ZNF148: variants seen among roughly 807,000 people sequenced by gnomAD.
The protein encoded by ZNF148 is zinc finger protein 148, also known as Beta-Enolase Repressor Factor-1.
ZNF148 carries 7 observed loss-of-function variants against 67.7 expected under a neutral mutation model. The ratio of observed to expected loss-of-function variants is 0.10; its 90% confidence interval spans 0.06 to 0.19. The LOEUF is 0.19. Among genes scored for constraint, ZNF148 ranks in the 10% least tolerant of loss-of-function variants. ZNF148 has a pLI of 1.00. For synonymous variants in ZNF148, 333 were observed against 330.7 expected (o/e 1.01, Z -0.08); for missense variants, 583 against 947.1 (o/e 0.62, Z 5.05).
chr3:125,231,974 GAA>G lies in ZNF148; in HGVS notation c.*365_*366del, dbSNP rs1935871651. 1 of 172,392 alleles carries G rather than the reference GAA, an allele frequency of 5.8e-6. No individual in the cohort carries two copies. 10.7% of individuals were successfully genotyped at this position (172,392 alleles called of 1,614,324 possible). On this transcript the variant is annotated 3_prime_UTR_variant, in exon 9 of 9. Coordinates refer to ENST00000360647, the MANE Select transcript of ZNF148 (RefSeq NM_021964.3). The stretch of plus-strand genomic sequence containing the variant: ...TGCAATGACTATGCTGAAAAACTTA[GAA>G]ACAGTATGAGTAAATTTCACACAAT...
At chr3:125,245,328 T>C (rs1462147642) in intron 7 of ZNF148, among the ~76,000 whole-genome samples, 1 of 152,192 alleles carries the variant, frequency 6.6e-6, no homozygotes, top group Admixed American at 6.5e-5. Flanking sequence ...GAGATCTGAC[T>C]GCTTTCTAAA....
chr3:125,284,479 A>T (rs1938553320), intron 5 of ZNF148, among the ~76,000 whole-genome samples: 1 of 152,174 alleles, frequency 6.6e-6, no homozygotes, highest in Non-Finnish European at 1.5e-5. Flanking sequence ...GCAGTATAAC[A>T]CTTAAAGTCT....
chr3:125,241,783 T>C (rs142533736), intron 7 of ZNF148, among the ~76,000 whole-genome samples: 63 of 152,356 alleles, frequency 4.1e-4, no homozygotes, highest in African/African-American at 1.4e-3. Context: ...AAAAAGAATT[T>C]CTGGACAAAT....
At chr3:125,258,685 G>C (rs563141576) in intron 7 of ZNF148, among the ~76,000 whole-genome samples, 2 of 152,172 alleles carry the variant, frequency 1.3e-5, no homozygotes, top group East Asian at 3.9e-4. Context: ...TATGATATAA[G>C]TTAAATCTTT....
rs577108353 is a variant in ZNF148, at chr3:125,348,592, G to GA, written c.-233-17355dup. Among the ~76,000 whole-genome samples, 5 of 151,510 alleles carry GA rather than the reference G, an allele frequency of 3.3e-5. No homozygotes were observed. In the South Asian group the frequency reaches 1.0e-3, roughly 32 times the overall value. The stretch of plus-strand genomic sequence containing the variant: ...GCACTGAAAACTACAAAACACTGAT[G>GA]AAAGAAATTGAAGACACAAATAAAT... On this transcript the variant is annotated intron_variant, in intron 1 of 8. Coordinates refer to ENST00000360647, the MANE Select transcript of ZNF148 (RefSeq NM_021964.3).
intron 1 of ZNF148, among the ~76,000 whole-genome samples, chr3:125,368,059 T>C (rs1287238778): frequency 6.6e-6 from 1 of 152,222 alleles, no homozygotes; most frequent in Non-Finnish European, 1.5e-5. Context: ...CTAAGGAATC[T>C]TTTCAAATAT....
intron 4 of ZNF148, among the ~76,000 whole-genome samples, chr3:125,312,674 T>C (rs1239595195): frequency 6.6e-6 from 1 of 152,176 alleles, no homozygotes; most frequent in Non-Finnish European, 1.5e-5. Context: ...TTAGATGAAC[T>C]GAAAGGAACC....
chr3:125,237,751 A>G (rs868763883), intron 7 of ZNF148, among the ~76,000 whole-genome samples: 3 of 152,196 alleles, frequency 2.0e-5, no homozygotes, highest in Non-Finnish European at 2.9e-5. Context: ...TTAAGATGGC[A>G]AAACTCCTCA....
chr3:125,229,384 C>T lies in ZNF148; in HGVS notation c.*2957G>A, dbSNP rs552053627. 1.3e-5 allele frequency: 2 copies of T among 152,178 alleles called. No homozygotes were observed. Among genetic ancestry groups the T allele is most frequent in the Admixed American group, 6.5e-5 (1 of 15,276 alleles). 9.4% of individuals were successfully genotyped at this position (152,178 alleles called of 1,614,324 possible). A position where few individuals can be genotyped will look rare whatever the true frequency, so the allele number is the denominator to read the frequency against. On this transcript the variant is annotated 3_prime_UTR_variant, in exon 9 of 9. Coordinates refer to ENST00000360647, the MANE Select transcript of ZNF148 (RefSeq NM_021964.3). ...GCCTCTTGAGATAAAAATGACCTGA[C>T]CGATGGCTGGCACCCTCAGCCAGAG...
chr3:125,299,915 A>G (rs1307759084), intron 4 of ZNF148, among the ~76,000 whole-genome samples: 2 of 152,206 alleles, frequency 1.3e-5, no homozygotes, highest in Non-Finnish European at 2.9e-5. Context: ...CAATTAAACT[A>G]CTTGTGAAAA....
rs1390199803 is a variant in ZNF148 at position 125,228,805 on chromosome 3, T to C, written c.*3536A>G. The C allele has an allele frequency of 6.6e-6, 1 of 152,608 alleles. No homozygotes were observed. The allele number at this position is 152,608 out of a possible 1,614,324, so 9.5% of individuals were successfully genotyped here. On this transcript the variant is annotated 3_prime_UTR_variant, in exon 9 of 9. Transcript: ENST00000360647. ...GCAGAATTAAAGATTCAATCATAGGTACATCCTTATTTGATGAACCATATT... is the reference window on the plus strand; with the variant it reads ...GCAGAATTAAAGATTCAATCATAGGCACATCCTTATTTGATGAACCATATT...
chr3:125,259,609 A>G (rs1315669408), intron 7 of ZNF148, among the ~76,000 whole-genome samples: 1 of 152,260 alleles, frequency 6.6e-6, no homozygotes, highest in Non-Finnish European at 1.5e-5. Flanking sequence ...ACTATAGCCT[A>G]TTAAGTGTAA....
At chr3:125,255,431 G>A (rs13078585) in intron 7 of ZNF148, among the ~76,000 whole-genome samples, 31 of 151,684 alleles carry the variant, frequency 2.0e-4, no homozygotes, top group Non-Finnish European at 3.8e-4. Flanking sequence ...ATTTTTAGTA[G>A]AGACGGGGTT....
intron 1 of ZNF148, among the ~76,000 whole-genome samples, chr3:125,372,879 T>G (rs948044243): frequency 6.6e-6 from 1 of 152,004 alleles, no homozygotes; most frequent in Non-Finnish European, 1.5e-5. Flanking sequence ...GGCAGGAGAA[T>G]TGCTTGAACC....
chr3:125,271,994 G>A (rs1999921), intron 7 of ZNF148, among the ~76,000 whole-genome samples: 120,475 of 152,140 alleles, frequency 0.79, 48,554 homozygotes, highest in African/African-American at 0.92. Context: ...ACGATTCCCA[G>A]CTTCCTTCAG....
chr3:125,239,854 G>A (rs1405538380), intron 7 of ZNF148, among the ~76,000 whole-genome samples: 1 of 152,160 alleles, frequency 6.6e-6, no homozygotes. Context: ...GAAAGTGCAG[G>A]CTACACACAT....
At chr3:125,328,789 C>G (rs1471002075) in intron 2 of ZNF148, among the ~76,000 whole-genome samples, 1 of 151,928 alleles carries the variant, frequency 6.6e-6, no homozygotes, top group Non-Finnish European at 1.5e-5. Flanking sequence ...CAAACTCACT[C>G]ATAAGAAAAG....
chr3:125,371,269 T>C (rs193169692), intron 1 of ZNF148, among the ~76,000 whole-genome samples: 154 of 148,552 alleles, frequency 1.0e-3, no homozygotes, highest in African/African-American at 3.7e-3. Context: ...GGTGAGAGGA[T>C]TGCTTGAGCC....
At chr3:125,279,837 T>C (rs1235044649) in intron 5 of ZNF148, among the ~76,000 whole-genome samples, 1 of 152,090 alleles carries the variant, frequency 6.6e-6, no homozygotes, top group African/African-American at 2.4e-5. Context: ...TATATTTGCA[T>C]AGGCATAAAA....
Sources: allele counts gnomAD v4.1 joint callset (sites outside exome capture counted in the v4.1 genomes callset), GRCh38; gene constraint gnomAD v4.1.1; transcripts MANE v1.5; gene names NCBI Gene and HGNC (gene_info 2026-07-23, HGNC 2026-07-21).